PSAPL1: variants seen among roughly 807,000 people sequenced by gnomAD.
The protein encoded by PSAPL1 is proactivator polypeptide-like 1.
For synonymous variants in PSAPL1, 351 were observed against 291.6 expected, an observed-to-expected ratio of 1.20 and a Z score of -2.08; for missense variants, 814 against 688.8, an observed-to-expected ratio of 1.18 and a Z score of -2.03.
rs746001292 is a variant in PSAPL1, at chr4:7,433,342, A to G, written c.1538T>C (p.Met513Thr). ...QHCQKHVWKE[M>T]HLHAGEHA ...CGCGTGTTCCCCAGCGTGGAGGTGC[A>G]TCTCTTTCCATACATGCTTCTGGCA... The change falls in exon 1 of 1, where the codon ATG (methionine) becomes ACG (threonine). Residue 513 changes from methionine (M) to threonine (T), a missense_variant. By Grantham distance (81) the Met-to-Thr change is moderately conservative. Coordinates refer to ENST00000319098, the MANE Select transcript of PSAPL1 (RefSeq NM_001085382.2). 1.3e-5 allele frequency: 19 copies of G among 1,425,906 alleles called. No individual in the cohort carries two copies. The highest frequency in any genetic ancestry group is 1.4e-5 in the Non-Finnish European group (15 of 1,086,410). 88.3% of individuals were successfully genotyped at this position (1,425,906 alleles called of 1,614,324 possible).
Position 7,434,801 on chromosome 4 carries a change from C to A in PSAPL1, c.79G>T (p.Ala27Ser), listed in dbSNP as rs929565317. The A allele has an allele frequency of 6.2e-7, 1 of 1,609,508 alleles. No homozygotes were observed. The highest frequency in any genetic ancestry group is 2.2e-5 in the East Asian group (1 of 44,670). ...TGACACCACACCGTGGAGCCCTTTG[C>A]ACACTCCTGGGGGCCTGAGGTGGGG... ...ASPTSGPQEC[A>S]KGSTVWCQDL... Residue 27 changes from alanine to serine, a missense_variant, in exon 1 of 1, where the codon GCA becomes TCA. Physicochemically the swap from Ala to Ser is moderately conservative, Grantham distance 99. Coordinates refer to ENST00000319098, the MANE Select transcript of PSAPL1 (RefSeq NM_001085382.2).
In PSAPL1 at chr4:7,432,522, G is replaced by C. The variant is rs1463995661; in HGVS notation, c.*792C>G. ...CTTTGCCCTCGCTGCTCCACATCCC[G>C]GTGGCCACCCCAGACTCCTCCGGCT... is the stretch of plus-strand genomic sequence containing the variant. On this transcript the variant is annotated 3_prime_UTR_variant, in exon 1 of 1. Coordinates refer to ENST00000319098, the MANE Select transcript of PSAPL1 (RefSeq NM_001085382.2). The C allele has an allele frequency of 2.6e-5, 4 of 152,250 alleles. No homozygotes were observed. Among genetic ancestry groups the C allele is most frequent in the Admixed American group, 1.3e-4 (2 of 15,294 alleles). 9.4% of individuals were successfully genotyped at this position (152,250 alleles called of 1,614,324 possible). A position where few individuals can be genotyped will look rare whatever the true frequency, so the allele number is the denominator to read the frequency against.
rs769993902 is a variant in PSAPL1 at position 7,434,643 on chromosome 4, G to T, written c.237C>A (p.Asn79Lys). The T allele has an allele frequency of 8.1e-6, 13 of 1,613,266 alleles. No homozygotes were observed. The highest frequency in any genetic ancestry group is 1.1e-5 in the Non-Finnish European group (13 of 1,179,654). The change falls in exon 1 of 1, where the codon AAC becomes AAA. Residue 79 changes from asparagine (N) to lysine (K), a missense_variant. Asn to Lys is a moderately conservative substitution (Grantham distance 94). Transcript: ENST00000319098. ...DIAAAAGNGL[N>K]PDATESDILA... ...GGATGTCAGACTCCGTGGCGTCAGG[G>T]TTCAGCCCATTGCCAGCGGCGGCTG...
chr4:7,433,571 G>A, the PSAPL1 span: 55 of 1,611,736 alleles, frequency 3.4e-5, no homozygotes, highest in East Asian at 6.7e-4. Flanking sequence ...TGCTTGCACT[G>A]GATCATATAG....
At position 7,432,640 on chromosome 4, in the gene PSAPL1, G is replaced by A. The variant is rs531101006; in HGVS notation, c.*674C>T. 2 of 152,120 alleles carry A rather than the reference G, an allele frequency of 1.3e-5. No individual in the cohort carries two copies. The highest frequency in any genetic ancestry group is 2.1e-4 in the South Asian group (1 of 4,818). The allele number at this position is 152,120 out of a possible 1,614,324, so 9.4% of individuals were successfully genotyped here. ...CTGCTCATTACCAGGGCAGCGGAGG[G>A]TCTGGGGTGCAAGGAGAGAGAGGGA... On this transcript the variant is annotated 3_prime_UTR_variant, in exon 1 of 1. Transcript: ENST00000319098.
In PSAPL1 at chr4:7,433,691, T is replaced by A; in HGVS notation, c.1189A>T (p.Asn397Tyr). ...WDAENQGSFC[N>Y]GCKRLLTVSS... ...ACCGTGAGCAGCCTCTTGCACCCAT[T>A]GCAGAAGCTGCCCTGGTTCTCCGCG... Residue 397 changes from asparagine to tyrosine, a missense_variant, in exon 1 of 1, where the codon AAT becomes TAT. By Grantham distance (143) the Asn-to-Tyr change is moderately radical (BLOSUM62 -2). Coordinates refer to ENST00000319098, the MANE Select transcript of PSAPL1 (RefSeq NM_001085382.2). The A allele has an allele frequency of 6.2e-7, 1 of 1,612,604 alleles. No individual in the cohort carries two copies. Among genetic ancestry groups the A allele is most frequent in the African/African-American group, 1.3e-5 (1 of 75,026 alleles).
chr4:7,434,635 G>T lies in PSAPL1; in HGVS notation c.245C>A (p.Ala82Asp), dbSNP rs117994430. The change falls in exon 1 of 1, where the codon GCC becomes GAC. Residue 82 changes from alanine to aspartate, a missense_variant. By Grantham distance (126) the Ala-to-Asp change is moderately radical. Coordinates refer to ENST00000319098, the MANE Select transcript of PSAPL1 (RefSeq NM_001085382.2). The stretch of plus-strand genomic sequence containing the variant: ...CAAAGCCAGGATGTCAGACTCCGTG[G>T]CGTCAGGGTTCAGCCCATTGCCAGC... ...AAAGNGLNPD[A>D]TESDILALVM... The T allele has an allele frequency of 6.2e-7, 1 of 1,613,376 alleles. No homozygotes were observed. The highest frequency in any genetic ancestry group is 8.5e-7 in the Non-Finnish European group (1 of 1,179,674).
At position 7,433,674 on chromosome 4, in the gene PSAPL1, C is replaced by T. The variant is rs1560280977; in HGVS notation, c.1206G>A (p.Leu402=). 2 of 1,609,818 alleles carry T rather than the reference C, an allele frequency of 1.2e-6. No homozygotes were observed. The highest frequency in any genetic ancestry group is 1.7e-5 in the Admixed American group (1 of 59,856). The change falls in exon 1 of 1, where the codon CTG becomes CTA. Residue 402 remains leucine, a synonymous_variant. Transcript: ENST00000319098. The part of the protein sequence containing the change: ...QGSFCNGCKR[L]LTVSSHNLES... ...CCAAGTTGTGGGAGGACACCGTGAG[C>T]AGCCTCTTGCACCCATTGCAGAAGC...
In PSAPL1 at chr4:7,434,353, C is replaced by T. The variant is rs199512404; in HGVS notation, c.527G>A (p.Arg176His). 4,557 of 1,607,980 alleles carry T rather than the reference C, an allele frequency of 2.8e-3. 19 individuals carry two copies. The highest frequency in any genetic ancestry group is 6.6e-3 in the Middle Eastern group (40 of 6,050). Residue 176 changes from arginine to histidine, a missense_variant, in exon 1 of 1, where the codon CGC becomes CAC. Transcript: ENST00000319098. Reference sequence around the variant, plus strand: ...GCACAGAGCTCCTTCAGGCGCCTGGCGGGGGTGGAAGGTAAGGGGCCCATT... The same window carrying T: ...GCACAGAGCTCCTTCAGGCGCCTGGTGGGGGTGGAAGGTAAGGGGCCCATT... ...MANGPLTFHP[R>H]QAPEGALCQD... is the part of the protein sequence containing the mutation.
Position 7,433,420 on chromosome 4 carries a change from C to G in PSAPL1, c.1460G>C (p.Ser487Thr). 2 of 1,513,886 alleles carry G rather than the reference C, an allele frequency of 1.3e-6. No individual in the cohort carries two copies. The highest frequency in any genetic ancestry group is 1.8e-6 in the Non-Finnish European group (2 of 1,132,934). 93.8% of individuals were successfully genotyped at this position (1,513,886 alleles called of 1,614,324 possible). A position where few individuals can be genotyped will look rare whatever the true frequency, so the allele number is the denominator to read the frequency against. Residue 487 changes from serine (S) to threonine (T), a missense_variant, in exon 1 of 1, where the codon AGC (serine) becomes ACC (threonine). By Grantham distance (58) the Ser-to-Thr change is moderately conservative (BLOSUM62 1). Transcript: ENST00000319098. ...LGTDQCALGP[S>T]FWCRSQEAAK... ...GGCCTCCTGGCTCCTGCACCAGAAG[C>G]TTGGGCCCAGGGCACACTGGTCGGT... is the stretch of plus-strand genomic sequence containing the variant.
At position 7,434,450 on chromosome 4, in the gene PSAPL1, G is replaced by T. The variant is rs761015476; in HGVS notation, c.430C>A (p.Gln144Lys). 1.2e-6 allele frequency: 2 copies of T among 1,610,646 alleles called. No homozygotes were observed. The highest frequency in any genetic ancestry group is 1.7e-6 in the Non-Finnish European group (2 of 1,179,212). ...GGCCTCAGGGTGGCCAGGTGCCTCT[G>T]CAGCGGCTCACAGAGGCTGAGCGCT... ...CTALSLCEPL[Q>K]RHLATLRPLS... The change falls in exon 1 of 1, where the codon CAG (glutamine) becomes AAG (lysine). Residue 144 changes from glutamine (Q) to lysine (K), a missense_variant. Physicochemically the swap from Gln to Lys is moderately conservative, Grantham distance 53. Transcript: ENST00000319098.
At position 7,434,185 on chromosome 4, in the gene PSAPL1, A is replaced by G. The variant is rs1727110065; in HGVS notation, c.695T>C (p.Phe232Ser). ...VLCKNYLFQFFVPADQALRLL... is the reference protein window; with the variant it reads ...VLCKNYLFQFSVPADQALRLL... ...CCTCAGTGCTTGGTCAGCAGGGACA[A>G]AAAACTGGAAGAGGTAGTTCTTGCA... Residue 232 changes from phenylalanine to serine, a missense_variant, in exon 1 of 1, where the codon TTT becomes TCT. Transcript: ENST00000319098. The G allele has an allele frequency of 6.2e-7, 1 of 1,613,780 alleles. No homozygotes were observed. The highest frequency in any genetic ancestry group is 8.5e-7 in the Non-Finnish European group (1 of 1,179,888).
chr4:7,430,538 T>C lies in PSAPL1; in HGVS notation c.*2776A>G, dbSNP rs1318267117. 2.0e-5 allele frequency: 3 copies of C among 152,228 alleles called. No individual in the cohort carries two copies. The highest frequency in any genetic ancestry group is 7.2e-5 in the African/African-American group (3 of 41,446). The allele number at this position is 152,228 out of a possible 1,614,324, so 9.4% of individuals were successfully genotyped here. A position where few individuals can be genotyped will look rare whatever the true frequency, so the allele number is the denominator to read the frequency against. ...CCCAGGCCTCCGCCTTACGATGGCA[T>C]CTGAAGAATGCCCAGCATGTGTCTG... On this transcript the variant is annotated 3_prime_UTR_variant, in exon 1 of 1. Transcript: ENST00000319098.
chr4:7,433,137 G>A lies in PSAPL1; in HGVS notation c.*177C>T, dbSNP rs1039547209. On this transcript the variant is annotated 3_prime_UTR_variant, in exon 1 of 1. Coordinates refer to ENST00000319098, the MANE Select transcript of PSAPL1 (RefSeq NM_001085382.2). The stretch of plus-strand genomic sequence containing the variant: ...GATGCTTTCAAGGGCAAAGCTGTGC[G>A]GCACCGTTGTTAAGAGAGAGGCTTT... 1.8e-5 allele frequency: 10 copies of A among 568,414 alleles called. No individual in the cohort carries two copies. Among genetic ancestry groups the A allele is most frequent in the Middle Eastern group, 9.6e-4 (2 of 2,084 alleles). The allele number at this position is 568,414 out of a possible 1,614,324, so 35.2% of individuals were successfully genotyped here.
rs770699991 is a variant in PSAPL1, at chr4:7,434,319, A to G, written c.561T>C (p.Cys187=). The G allele has an allele frequency of 1.2e-6, 2 of 1,611,506 alleles. No individual in the cohort carries two copies. Among genetic ancestry groups the G allele is most frequent in the Non-Finnish European group, 1.7e-6 (2 of 1,179,172 alleles). Residue 187 remains cysteine, a synonymous_variant, in exon 1 of 1, where the codon TGT becomes TGC. Transcript: ENST00000319098. ...QAPEGALCQD[C]VRQVSRLQEA... is the part of the protein sequence containing the mutation. ...CCTGGAGTCGGGAGACCTGCCGTAC[A>G]CAGTCTTGGCACAGAGCTCCTTCAG...
At position 7,434,149 on chromosome 4, in the gene PSAPL1, G is replaced by T. The variant is rs200558117; in HGVS notation, c.731C>A (p.Pro244Gln). 1.3e-4 allele frequency: 208 copies of T among 1,613,828 alleles called. No individual in the cohort carries two copies. In the African/African-American group the frequency reaches 2.4e-3, roughly 18 times the overall value. The change falls in exon 1 of 1, where the codon CCG (proline) becomes CAG (glutamine). Residue 244 changes from proline to glutamine, a missense_variant. By Grantham distance (76) the Pro-to-Gln change is moderately conservative (BLOSUM62 -1). Coordinates refer to ENST00000319098, the MANE Select transcript of PSAPL1 (RefSeq NM_001085382.2). Reference protein sequence around the residue: ...PADQALRLLPPQELCRKGGFC... With the variant: ...PADQALRLLPQQELCRKGGFC... ...TCCCCCCTTCCTGCAGAGCTCCTGC[G>T]GGGGGAGAAGCCTCAGTGCTTGGTC...
chr4:7,434,900 C>T lies in PSAPL1; in HGVS notation c.-21G>A. ...AGCATGCTGCCCAGGGACTCTCTGG[C>T]TCCAGAGTACCCAGCAGTGGCTGCT... is the stretch of plus-strand genomic sequence containing the variant. On this transcript the variant is annotated 5_prime_UTR_variant, in exon 1 of 1. Coordinates refer to ENST00000319098, the MANE Select transcript of PSAPL1 (RefSeq NM_001085382.2). 6.6e-7 allele frequency: 1 copy of T among 1,524,988 alleles called. No homozygotes were observed. Among genetic ancestry groups the T allele is most frequent in the Non-Finnish European group, 8.8e-7 (1 of 1,136,326 alleles). The allele number at this position is 1,524,988 out of a possible 1,614,324, so 94.5% of individuals were successfully genotyped here.
rs1727048693 is a variant in PSAPL1, at chr4:7,433,614, G to A, written c.1266C>T (p.Ala422=). The A allele has an allele frequency of 6.2e-7, 1 of 1,611,440 alleles. No homozygotes were observed. Among genetic ancestry groups the A allele is most frequent in the Admixed American group, 1.7e-5 (1 of 59,706 alleles). ...SKSTKRDILV[A]FKGGCSILPL... is the part of the protein sequence containing the mutation. ...GCAGGATGCTGCAGCCACCCTTGAA[G>A]GCCACCAGGATGTCTCGCTTGGTGC... The change falls in exon 1 of 1, where the codon GCC becomes GCT. Residue 422 remains alanine (A), a synonymous_variant. Transcript: ENST00000319098.
rs1211240419 is a variant in PSAPL1, at chr4:7,434,222, G to A, written c.658C>T (p.Leu220=). ...AGGTAGTTCTTGCAGAGGACGGCCA[G>A]GCCAGGCCCCAAGGACTCACACTGC... ...QEQCESLGPG[L]AVLCKNYLFQ... is the part of the protein sequence containing the mutation. The change falls in exon 1 of 1, where the codon CTG becomes TTG. Residue 220 remains leucine (L), a synonymous_variant. Coordinates refer to ENST00000319098, the MANE Select transcript of PSAPL1 (RefSeq NM_001085382.2). The A allele has an allele frequency of 6.2e-7, 1 of 1,613,602 alleles. No homozygotes were observed. Among genetic ancestry groups the A allele is most frequent in the East Asian group, 2.2e-5 (1 of 44,898 alleles).
Sources: allele counts gnomAD v4.1 joint callset, GRCh38; gene constraint gnomAD v4.1.1; transcripts MANE v1.5; gene names NCBI Gene and HGNC (gene_info 2026-07-23, HGNC 2026-07-21).